The following NCOR1 variants were observed in gnomAD, a reference collection of about 807,000 sequenced individuals.
NCOR1 encodes the protein protein phosphatase 1, regulatory subunit 109.
A neutral mutation model predicts 288.1 loss-of-function variants in NCOR1; 63 were observed. The observed-to-expected ratio is 0.22, with a 90% confidence interval of 0.18 to 0.27. The LOEUF (loss-of-function observed/expected upper bound fraction) is 0.27. NCOR1 is among the 10% of genes least tolerant of loss of function. The pLI, the probability that NCOR1 is intolerant of heterozygous loss-of-function variation, is 1.00. For synonymous variants in NCOR1, 1,007 were observed against 1,065.9 expected (o/e 0.94, Z 1.08); for missense variants, 2,397 against 3,019.2 (o/e 0.79, Z 4.83).
intron 22 of NCOR1, among the ~76,000 whole-genome samples, chr17:16,090,066 G>C (rs999537955): frequency 2.0e-5 from 3 of 152,070 alleles, no homozygotes; most frequent in African/African-American, 7.2e-5. Flanking sequence ...GTGTAGTAAT[G>C]TGACTAACAC....
At position 16,187,928 on chromosome 17, in the gene NCOR1, G is replaced by A. The variant is rs558612934; in HGVS notation, c.109-1241C>T. On this transcript the variant is annotated intron_variant, in intron 2 of 45. Coordinates refer to ENST00000268712, the MANE Select transcript of NCOR1 (RefSeq NM_006311.4). ...AAAAAAAAAAAAAAGAAAGAAAAAC[G>A]AAAAGGCAACAAATCCATAGAAACA... is the stretch of plus-strand genomic sequence containing the variant. 4.7e-5 allele frequency among the ~76,000 whole-genome samples: 7 copies of A among 150,236 alleles called. No individual in the cohort carries two copies. The South Asian group carries it at 6.3e-4, about 14-fold the overall frequency.
intron 1 of NCOR1, among the ~76,000 whole-genome samples, chr17:16,210,776 C>T (rs2092043319): frequency 6.6e-6 from 1 of 151,350 alleles, no homozygotes; most frequent in African/African-American, 2.4e-5. Context: ...GTCACCCAGG[C>T]TGGAGTGCAG....
At chr17:16,071,329 C>T (rs550826454) in intron 30 of NCOR1, 80 bp downstream of exon 30, 3 of 1,518,414 alleles carry the variant, frequency 2.0e-6, no homozygotes, top group African/African-American at 2.8e-5. Context: ...TCATAAGAAC[C>T]ACTTATAATT....
At chr17:16,207,342 T>C (rs1481801526) in intron 1 of NCOR1, among the ~76,000 whole-genome samples, 2 of 152,180 alleles carry the variant, frequency 1.3e-5, no homozygotes, top group African/African-American at 2.4e-5. Context: ...ACAGTGATAA[T>C]GGCAAGAAGA....
chr17:16,048,052 A>C (rs1451034814), intron 41 of NCOR1, among the ~76,000 whole-genome samples: 1 of 152,252 alleles, frequency 6.6e-6, no homozygotes, highest in African/African-American at 2.4e-5. Flanking sequence ...AACACTTTGT[A>C]AGAAAGGCAC....
intron 15 of NCOR1, 70 bp from the exon 16 acceptor site, chr17:16,121,339 T>A: frequency 7.8e-7 from 1 of 1,280,614 alleles, no homozygotes; most frequent in Non-Finnish European, 1.1e-6. Context: ...GTTTTAGTTT[T>A]GAATATTATC....
chr17:16,092,781 G>A (rs1357082552), intron 21 of NCOR1, among the ~76,000 whole-genome samples: 24 of 140,476 alleles, frequency 1.7e-4, no homozygotes, highest in Admixed American at 2.9e-4. Context: ...TCGCTGCAAC[G>A]TCCACCTCCC....
At chr17:16,092,986 G>A (rs2065687240) in intron 21 of NCOR1, among the ~76,000 whole-genome samples, 1 of 151,748 alleles carries the variant, frequency 6.6e-6, no homozygotes, top group Admixed American at 6.6e-5. Context: ...TTACAGGTAT[G>A]AGCCACCGTG....
chr17:16,118,005 G>A lies in NCOR1; in HGVS notation c.1938C>T (p.Asn646=), dbSNP rs766523597. The part of the protein sequence containing the change: ...AKKGLVEHGR[N]WAAIAKMVGT... ...CCACCATTTTAGCAATTGCTGCCCA[G>A]TTACGACCATGTTCTACTAGACCTG... The change falls in exon 18 of 46, where the codon AAC becomes AAT. Residue 646 remains asparagine (N), a synonymous_variant. Transcript: ENST00000268712. 6.2e-7 allele frequency: 1 copy of A among 1,613,868 alleles called. No homozygotes were observed. The highest frequency in any genetic ancestry group is 8.5e-7 in the Non-Finnish European group (1 of 1,179,924).
intron 5 of NCOR1, among the ~76,000 whole-genome samples, chr17:16,163,202 A>G (rs201251665): frequency 1.8e-4 from 28 of 152,138 alleles, no homozygotes; most frequent in African/African-American, 6.0e-4. Flanking sequence ...ACTTTTATAC[A>G]TCAAAGGATA....
chr17:16,142,153 G>A (rs999322767), intron 11 of NCOR1, among the ~76,000 whole-genome samples: 1 of 152,140 alleles, frequency 6.6e-6, no homozygotes, highest in Non-Finnish European at 1.5e-5. Flanking sequence ...AGGTTAACTA[G>A]TAGTAAAGGG....
chr17:16,192,225 C>T (rs542900964), intron 2 of NCOR1: 2 of 151,636 alleles, frequency 1.3e-5, no homozygotes, highest in African/African-American at 4.8e-5. Context: ...AAAAAGTAAC[C>T]AGAGGAGACC....
intron 6 of NCOR1, among the ~76,000 whole-genome samples, chr17:16,158,334 T>C (rs2080162528): frequency 6.6e-6 from 1 of 152,206 alleles, no homozygotes; most frequent in Non-Finnish European, 1.5e-5. Flanking sequence ...CTAATGCTGA[T>C]AAGAAAGTTC....
Position 16,039,599 on chromosome 17 carries a change from C to T in NCOR1, c.6789G>A (p.Leu2263=), listed in dbSNP as rs924081269. The T allele has an allele frequency of 1.2e-6, 2 of 1,614,134 alleles. No individual in the cohort carries two copies. The highest frequency in any genetic ancestry group is 1.6e-4 in the Middle Eastern group (1 of 6,062). ...TGAGAGCCTTCCTGATAATGTCTTC[C>T]AGCCCAAGATTACTGGCAGGATCAG... The part of the protein sequence containing the change: ...SFADPASNLG[L]EDIIRKALMG... The change falls in exon 44 of 46, where the codon CTG becomes CTA. Residue 2263 remains leucine, a synonymous_variant. Transcript: ENST00000268712.
intron 1 of NCOR1, among the ~76,000 whole-genome samples, chr17:16,200,075 C>A (rs1464491485): frequency 5.3e-5 from 8 of 151,612 alleles, no homozygotes; most frequent in Non-Finnish European, 8.8e-5. Context: ...TACTATCCTG[C>A]CAAAAAAAAA....
Position 16,064,122 on chromosome 17 carries a change from CCTT to C in NCOR1, c.5164_5166del (p.Lys1722del), listed in dbSNP as rs748764195. 3 of 1,614,116 alleles carry C rather than the reference CCTT, an allele frequency of 1.9e-6. No individual in the cohort carries two copies. In the South Asian group the frequency reaches 3.3e-5, roughly 18 times the overall value. Reference sequence around the variant, plus strand: ...GCAGCAATCCGTTCCCGCTCCCGCTCCTTCTCCCGCTCCCGTTCCCGTTCCCTC... The same window carrying C: ...GCAGCAATCCGTTCCCGCTCCCGCTCCTCCCGCTCCCGTTCCCGTTCCCTC... On this transcript the variant is annotated inframe_deletion, in exon 35 of 46. Coordinates refer to ENST00000268712, the MANE Select transcript of NCOR1 (RefSeq NM_006311.4).
At chr17:16,215,300 C>T in intron 1 of NCOR1, 62 bp downstream of exon 1, 1 of 389,882 alleles carries the variant, frequency 2.6e-6, no homozygotes, top group Non-Finnish European at 4.5e-6. Flanking sequence ...CGGGAGCCCT[C>T]GGAAGCCCCC....
chr17:16,109,054 G>A (rs370517098), intron 18 of NCOR1, 142 bp from the exon 19 acceptor site: 131 of 650,030 alleles, frequency 2.0e-4, no homozygotes, highest in Middle Eastern at 9.3e-4. Context: ...TGGTTAAAGT[G>A]CAGATAAATA....
In NCOR1 at chr17:16,032,081, A is replaced by T; in HGVS notation, c.*215T>A. The T allele has an allele frequency of 1.9e-6, 1 of 518,898 alleles. No individual in the cohort carries two copies. 32.1% of individuals were successfully genotyped at this position (518,898 alleles called of 1,614,324 possible). A position where few individuals can be genotyped will look rare whatever the true frequency, so the allele number is the denominator to read the frequency against. The stretch of plus-strand genomic sequence containing the variant: ...CCTCCACTATTATTATAGTCCACTG[A>T]ATTGCCTGTATCAAAGGCAGTTTTT... On this transcript the variant is annotated 3_prime_UTR_variant, in exon 46 of 46. Coordinates refer to ENST00000268712, the MANE Select transcript of NCOR1 (RefSeq NM_006311.4).
Sources: gnomAD v4.1 joint callset for allele counts (sites outside exome capture counted in the v4.1 genomes callset) on GRCh38, gnomAD v4.1.1 for gene constraint, MANE v1.5 for transcripts, NCBI Gene and HGNC (gene_info 2026-07-23, HGNC 2026-07-21) for gene names.